Variants in CHD9 observed in about 807,000 individuals in gnomAD.
CHD9 encodes ATP-dependent chromatin remodeler CHD9.
In CHD9, 77 loss-of-function variants were observed where a neutral mutation model predicts 316.1. The observed-to-expected ratio is 0.24, with a 90% CI of 0.20 to 0.29. The LOEUF (loss-of-function observed/expected upper bound fraction) is 0.29. Among genes scored for constraint, CHD9 ranks in the 10% least tolerant of loss-of-function variants. The probability of loss-of-function intolerance (pLI) is 1.00; values close to 1 mark genes in which losing one functional copy is unlikely to be tolerated. For missense variants in CHD9, 2,763 were observed against 3,438.1 expected (o/e 0.80, Z 4.91); for synonymous variants, 1,129 against 1,158.3 (o/e 0.97, Z 0.51).
At chr16:53,131,270 T>G in intron 1 of CHD9, 1 of 135,560 alleles carries the variant, frequency 7.4e-6, no homozygotes. Flanking sequence ...GCCTCAGTCA[T>G]GGCGAAGCGC....
chr16:53,167,894 G>A (rs953598941), intron 2 of CHD9, among the ~76,000 whole-genome samples: 9 of 151,960 alleles, frequency 5.9e-5, no homozygotes, highest in African/African-American at 1.9e-4. Context: ...TGGTCACTTA[G>A]ACAGATATTC....
At chr16:53,207,042 C>T (rs2045948471) in intron 2 of CHD9, among the ~76,000 whole-genome samples, 1 of 152,074 alleles carries the variant, frequency 6.6e-6, no homozygotes, top group Admixed American at 6.5e-5. Context: ...TTTCTAGAGC[C>T]CTGTTTAGAT....
Position 53,308,671 on chromosome 16 carries a change from G to A in CHD9, c.7054-15G>A. ...TTTAACAGTTTCTGTCTTAATAATGGTATTTGTTTAACAGGAAGGTGGTTT... is the reference window on the plus strand; with the variant it reads ...TTTAACAGTTTCTGTCTTAATAATGATATTTGTTTAACAGGAAGGTGGTTT... On this transcript the variant is annotated splice_polypyrimidine_tract_variant and intron_variant, in intron 33 of 38. Transcript: ENST00000447540. The A allele has an allele frequency of 1.9e-6, 3 of 1,595,682 alleles. No individual in the cohort carries two copies. Among genetic ancestry groups the A allele is most frequent in the Non-Finnish European group, 2.6e-6 (3 of 1,166,412 alleles).
At chr16:53,106,679 C>G (rs201867987) in intron 1 of CHD9, among the ~76,000 whole-genome samples, 2 of 145,978 alleles carry the variant, frequency 1.4e-5, no homozygotes, top group African/African-American at 2.6e-5. Context: ...CACACACACA[C>G]AGCGCGATGT....
intron 2 of CHD9, among the ~76,000 whole-genome samples, chr16:53,179,160 G>T (rs1276636681): frequency 6.6e-6 from 1 of 152,142 alleles, no homozygotes; most frequent in East Asian, 1.9e-4. Flanking sequence ...AAAGTAAATT[G>T]CAGTTATCAT....
At chr16:53,316,695 G>A (rs1368483108) in intron 36 of CHD9, among the ~76,000 whole-genome samples, 13 of 152,080 alleles carry the variant, frequency 8.5e-5, no homozygotes, top group Non-Finnish European at 1.9e-4. Flanking sequence ...TATTTCTGTA[G>A]CTAAACAATT....
At chr16:53,202,670 T>C (rs1475060006) in intron 2 of CHD9, among the ~76,000 whole-genome samples, 1 of 152,166 alleles carries the variant, frequency 6.6e-6, no homozygotes, top group African/African-American at 2.4e-5. Context: ...AAAACTTGTA[T>C]GAACATCTAC....
At chr16:53,195,924 A>G (rs1410349918) in intron 2 of CHD9, among the ~76,000 whole-genome samples, 2 of 151,834 alleles carry the variant, frequency 1.3e-5, no homozygotes, top group African/African-American at 2.4e-5. Context: ...TGCCTGGCTA[A>G]TTTTTGTATT....
At chr16:53,263,576 A>C (rs1027859200) in intron 20 of CHD9, among the ~76,000 whole-genome samples, 5 of 152,154 alleles carry the variant, frequency 3.3e-5, no homozygotes, top group Admixed American at 6.5e-5. Flanking sequence ...TAATAATAGC[A>C]TAACTGCTTA....
chr16:53,174,473 GCTT>G (rs1284780411), intron 2 of CHD9, among the ~76,000 whole-genome samples: 1 of 151,772 alleles, frequency 6.6e-6, no homozygotes, highest in Admixed American at 6.6e-5. Flanking sequence ...TGTTTCTATG[GCTT>G]CTATTAGTGG....
At chr16:53,183,426 A>G (rs1183396504) in intron 2 of CHD9, among the ~76,000 whole-genome samples, 1 of 152,218 alleles carries the variant, frequency 6.6e-6, no homozygotes, top group Non-Finnish European at 1.5e-5. Context: ...GGGAAGGAAC[A>G]GGGAGGATGG....
At chr16:53,109,458 A>G (rs113590437) in intron 1 of CHD9, among the ~76,000 whole-genome samples, 2,765 of 151,690 alleles carry the variant, frequency 0.018, 40 homozygotes, top group Non-Finnish European at 0.03. Flanking sequence ...TCAGCCTCCC[A>G]TATAGCTGGG....
At chr16:53,139,668 G>A (rs2039961328) in intron 1 of CHD9, among the ~76,000 whole-genome samples, 1 of 152,140 alleles carries the variant, frequency 6.6e-6, no homozygotes, top group Non-Finnish European at 1.5e-5. Flanking sequence ...GTATGAGAGG[G>A]AAAGCTACAT....
intron 8 of CHD9, among the ~76,000 whole-genome samples, chr16:53,229,937 A>T (rs1335647329): frequency 6.6e-6 from 1 of 152,068 alleles, no homozygotes; most frequent in Admixed American, 6.5e-5. Flanking sequence ...ACAAAAAGAG[A>T]GTGTGTATGT....
chr16:53,198,146 G>C (rs1425597947), intron 2 of CHD9, among the ~76,000 whole-genome samples: 1 of 151,862 alleles, frequency 6.6e-6, no homozygotes, highest in African/African-American at 2.4e-5. Context: ...TTTGGGAGGG[G>C]GTTCTAAAGG....
Position 53,245,309 on chromosome 16 carries a change from G to T in CHD9, c.3055-27G>T. The T allele has an allele frequency of 6.8e-7, 1 of 1,473,926 alleles. No homozygotes were observed. Among genetic ancestry groups the T allele is most frequent in the East Asian group, 2.5e-5 (1 of 40,188 alleles). The allele number at this position is 1,473,926 out of a possible 1,614,324, so 91.3% of individuals were successfully genotyped here. A position where few individuals can be genotyped will look rare whatever the true frequency, so the allele number is the denominator to read the frequency against. On this transcript the variant is annotated intron_variant, in intron 13 of 38. Coordinates refer to ENST00000447540, the MANE Select transcript of CHD9 (RefSeq NM_001308319.2). The surrounding 1 kb of genome is among the most constrained non-coding windows in gnomAD (Gnocchi z 4.1). ...ATATAATTTTAGTACTGTGATGTTTGATGTGAATTGTTCTCACTTTTTGTA... is the reference window on the plus strand; with the variant it reads ...ATATAATTTTAGTACTGTGATGTTTTATGTGAATTGTTCTCACTTTTTGTA...
chr16:53,123,271 C>T (rs111849467), intron 1 of CHD9, among the ~76,000 whole-genome samples: 2 of 151,720 alleles, frequency 1.3e-5, no homozygotes, highest in Non-Finnish European at 2.9e-5. Context: ...CAAGTATCTC[C>T]ACAATCTAAT....
chr16:53,091,192 G>C (rs2035914943), intron 1 of CHD9, among the ~76,000 whole-genome samples: 1 of 152,168 alleles, frequency 6.6e-6, no homozygotes, highest in South Asian at 2.1e-4. Flanking sequence ...GGAAGCCTGG[G>C]AAGGGAAAGG....
At chr16:53,144,994 C>CAA (rs60107956) in intron 1 of CHD9, among the ~76,000 whole-genome samples, 4,734 of 113,406 alleles carry the variant, frequency 0.042, 88 homozygotes, top group South Asian at 0.067. Flanking sequence ...GACCCTGTCT[C>CAA]AAAAAAAAAA....
Sources: gnomAD v4.1 joint callset for allele counts (sites outside exome capture counted in the v4.1 genomes callset) on GRCh38, gnomAD v4.1.1 for gene constraint, Gnocchi (gnomAD v3.1) non-coding constraint, MANE v1.5 for transcripts, NCBI Gene and HGNC (gene_info 2026-07-23, HGNC 2026-07-21) for gene names.